TEPSIN: variants seen among roughly 807,000 people sequenced by gnomAD.
TEPSIN encodes the protein TEPSIN adaptor related protein complex 4 accessory protein, also known as AP-4 complex accessory subunit tepsin.
A neutral mutation model predicts 48.5 loss-of-function variants in TEPSIN; 50 were observed. The ratio of observed to expected loss-of-function variants is 1.03; its 90% CI spans 0.82 to 1.31. TEPSIN has a LOEUF of 1.31. Among genes scored for constraint, TEPSIN ranks in the 50% most tolerant of loss-of-function variants. TEPSIN has a pLI of 0.00. For missense variants in TEPSIN, 838 were observed against 815.9 expected (o/e 1.03, Z -0.33); for synonymous variants, 392 against 358.8 (o/e 1.09, Z -1.05).
rs1159004759 is a variant in TEPSIN, at chr17:81,234,339, G to A, written c.308-291C>T. The A allele has an allele frequency of 3.2e-6, 1 of 313,298 alleles. No individual in the cohort carries two copies. Among genetic ancestry groups the A allele is most frequent in the Non-Finnish European group, 5.8e-6 (1 of 171,714 alleles). 19.4% of individuals were successfully genotyped at this position (313,298 alleles called of 1,614,324 possible). A position where few individuals can be genotyped will look rare whatever the true frequency, so the allele number is the denominator to read the frequency against. On this transcript the variant is annotated intron_variant, in intron 4 of 12. Transcript: ENST00000637944. The surrounding 1 kb of genome is among the most constrained non-coding windows in gnomAD (Gnocchi z 5.4). ...CCTGAGCGGGTGTGGCCTCCCCGAA[G>A]CCCACTCTCCCTGCCCCAGGTGCAC... is the stretch of plus-strand genomic sequence containing the variant.
At position 81,236,781 on chromosome 17, in the gene TEPSIN, A is replaced by T; in HGVS notation, c.234T>A (p.Tyr78Ter). ...AGAAGGAGGAGCCGTGGCTGCACAG[A>T]TAGAGCAGGATCTTCAGCACCTGGG... is the stretch of plus-strand genomic sequence containing the variant. Reference protein sequence around the residue: ...GKLKVLKILLYLCSHGSSFFL... With the variant: ...GKLKVLKILL The change falls in exon 4 of 13, where the codon TAT becomes TAA. Residue 78 changes from tyrosine (Y) to a stop codon, truncating the protein, a stop_gained. Coordinates refer to ENST00000637944, the MANE Select transcript of TEPSIN (RefSeq NM_001363764.2). LOFTEE classifies it high-confidence loss of function. The T allele has an allele frequency of 6.4e-7, 1 of 1,568,736 alleles. No individual in the cohort carries two copies. Among genetic ancestry groups the T allele is most frequent in the Non-Finnish European group, 8.6e-7 (1 of 1,157,590 alleles).
At position 81,234,017 on chromosome 17, in the gene TEPSIN, C is replaced by T. The variant is rs2062676267; in HGVS notation, c.339G>A (p.Gly113=). The T allele has an allele frequency of 1.3e-6, 2 of 1,597,460 alleles. No individual in the cohort carries two copies. The highest frequency in any genetic ancestry group is 1.7e-6 in the Non-Finnish European group (2 of 1,175,426). Residue 113 remains glycine, a synonymous_variant, in exon 5 of 13, where the codon GGG becomes GGA. Transcript: ENST00000637944. This position sits in a 1 kb window ranked among gnomAD's most constrained non-coding sequence, Gnocchi z 5.4. ...AFAGPPDPLH[G]NSLYQKVRAA... is the part of the protein sequence containing the mutation. Reference sequence around the variant, plus strand: ...CGCGAACCTTCTGGTACAAGCTGTTCCCGTGCAGAGGATCTGGGGGCCCTG... The same window carrying T: ...CGCGAACCTTCTGGTACAAGCTGTTTCCGTGCAGAGGATCTGGGGGCCCTG...
At chr17:81,238,159 T>C in intron 1 of TEPSIN, 4 of 985,672 alleles carry the variant, frequency 4.1e-6, no homozygotes, top group Non-Finnish European at 3.6e-6. Context: ...AGGGCCGAGA[T>C]CTAGTGACAA....
At position 81,234,037 on chromosome 17, in the gene TEPSIN, G is replaced by A. The variant is rs758269781; in HGVS notation, c.319C>T (p.Pro107Ser). The change falls in exon 5 of 13, where the codon CCC becomes TCC. Residue 107 changes from proline to serine, a missense_variant. Coordinates refer to ENST00000637944, the MANE Select transcript of TEPSIN (RefSeq NM_001363764.2). The surrounding 1 kb of genome is among the most constrained non-coding windows in gnomAD (Gnocchi z 5.4). ...CTGTTCCCGTGCAGAGGATCTGGGG[G>A]CCCTGCAAAAGCTGCAGAACAGAAA... is the stretch of plus-strand genomic sequence containing the variant. ...FIQEAAAFAGPPDPLHGNSLY... is the reference protein window; with the variant it reads ...FIQEAAAFAGSPDPLHGNSLY... The A allele has an allele frequency of 5.0e-6, 8 of 1,592,612 alleles. No individual in the cohort carries two copies. The highest frequency in any genetic ancestry group is 6.8e-6 in the Non-Finnish European group (8 of 1,173,540).
rs1460073961 is a variant in TEPSIN, at chr17:81,237,036, G to T, written c.157C>A (p.Leu53Met). ...AGGCGGCTCAGGAGGTACTCCAGCA[G>T]GCACTGGCTGCTGCCCGGAGACTCG... is the stretch of plus-strand genomic sequence containing the variant. The part of the protein sequence containing the change: ...SHESPGSSQC[L>M]LEYLLSRLHS... Residue 53 changes from leucine (L) to methionine (M), a missense_variant, in exon 3 of 13, where the codon CTG becomes ATG. Physicochemically the swap from Leu to Met is conservative, Grantham distance 15. Transcript: ENST00000637944. 1 of 1,598,198 alleles carries T rather than the reference G, an allele frequency of 6.3e-7. No homozygotes were observed. Among genetic ancestry groups the T allele is most frequent in the Non-Finnish European group, 8.5e-7 (1 of 1,172,916 alleles).
At chr17:81,232,100 G>C in intron 8 of TEPSIN, 79 bp from the exon 9 acceptor site, 1 of 1,509,216 alleles carries the variant, frequency 6.6e-7, no homozygotes, top group South Asian at 1.2e-5. Flanking sequence ...CCCTGGACCA[G>C]GAGGCCTCGG....
At position 81,234,122 on chromosome 17, in the gene TEPSIN, TG is replaced by T; in HGVS notation, c.308-75del. On this transcript the variant is annotated intron_variant, in intron 4 of 12. Coordinates refer to ENST00000637944, the MANE Select transcript of TEPSIN (RefSeq NM_001363764.2). The surrounding 1 kb of genome is among the most constrained non-coding windows in gnomAD (Gnocchi z 5.4). Reference sequence around the variant, plus strand: ...CTGCTCCCTGTGGAGCACGGTGCCCTGGGCCCACTCCAGGGTGGCAAGTTCC... The same window carrying T: ...CTGCTCCCTGTGGAGCACGGTGCCCTGGCCCACTCCAGGGTGGCAAGTTCC... 1 of 1,373,506 alleles carries T rather than the reference TG, an allele frequency of 7.3e-7. No homozygotes were observed. The highest frequency in any genetic ancestry group is 9.7e-7 in the Non-Finnish European group (1 of 1,033,786). The allele number at this position is 1,373,506 out of a possible 1,614,324, so 85.1% of individuals were successfully genotyped here.
intron 1 of TEPSIN, chr17:81,238,062 C>T (rs2062757496): frequency 7.1e-6 from 7 of 992,596 alleles, no homozygotes; most frequent in Middle Eastern, 5.2e-4. Context: ...TTGCATTATT[C>T]AGTATCAGGA....
chr17:81,237,472 A>G lies in TEPSIN; in HGVS notation c.49-13T>C. 6.2e-7 allele frequency: 1 copy of G among 1,603,656 alleles called. No individual in the cohort carries two copies. The highest frequency in any genetic ancestry group is 8.5e-7 in the Non-Finnish European group (1 of 1,175,640). ...GGAGAATCGGGAGCTGAAAGGGAAC[A>G]AGAGCCCCTACCATGATGAGGTGCC... is the stretch of plus-strand genomic sequence containing the variant. On this transcript the variant is annotated splice_polypyrimidine_tract_variant and intron_variant, in intron 1 of 12. Coordinates refer to ENST00000637944, the MANE Select transcript of TEPSIN (RefSeq NM_001363764.2).
chr17:81,233,804 C>T lies in TEPSIN; in HGVS notation c.376-88G>A. 1 of 1,427,694 alleles carries T rather than the reference C, an allele frequency of 7.0e-7. No individual in the cohort carries two copies. Among genetic ancestry groups the T allele is most frequent in the Non-Finnish European group, 9.4e-7 (1 of 1,062,122 alleles). The allele number at this position is 1,427,694 out of a possible 1,614,324, so 88.4% of individuals were successfully genotyped here. On this transcript the variant is annotated intron_variant, in intron 5 of 12. Transcript: ENST00000637944. The surrounding 1 kb of genome is among the most constrained non-coding windows in gnomAD (Gnocchi z 5.8). ...ACCCATATCAGCTCCGTTCTGTCCC[C>T]CGGACACTTCTCCTGAGCCACTCAG... is the stretch of plus-strand genomic sequence containing the variant.
Position 81,230,575 on chromosome 17 carries a change from C to A in TEPSIN, c.1202G>T (p.Ser401Ile). 1.2e-6 allele frequency: 2 copies of A among 1,611,864 alleles called. No individual in the cohort carries two copies. Among genetic ancestry groups the A allele is most frequent in the Middle Eastern group, 1.7e-4 (1 of 5,826 alleles). ...GGCCTTGTTGGTCACAGGTCCCGGG[C>A]TGCCCATGCTGAGCTCCTGCAGCCA... is the stretch of plus-strand genomic sequence containing the variant. ...RPWLQELSMGSPGPVTNKATK... is the reference protein window; with the variant it reads ...RPWLQELSMGIPGPVTNKATK... The change falls in exon 12 of 13, where the codon AGC becomes ATC. Residue 401 changes from serine to isoleucine, a missense_variant. Physicochemically the swap from Ser to Ile is moderately radical, Grantham distance 142. Coordinates refer to ENST00000637944, the MANE Select transcript of TEPSIN (RefSeq NM_001363764.2). The surrounding 1 kb of genome is among the most constrained non-coding windows in gnomAD (Gnocchi z 4.2).
chr17:81,229,527 G>A (rs2062544272), intron 12 of TEPSIN, 51 bp from the exon 13 acceptor site: 1 of 1,533,802 alleles, frequency 6.5e-7, no homozygotes, highest in Admixed American at 2.0e-5. Context: ...CCTGGGAAAT[G>A]TGGGGACCAG....
chr17:81,231,318 TGCACACACAC>T lies in TEPSIN; in HGVS notation c.1098+70_1098+79del, dbSNP rs1279936834. The T allele has an allele frequency of 1.5e-4, 205 of 1,380,610 alleles. 1 individual carries two copies. Among genetic ancestry groups the T allele is most frequent in the Non-Finnish European group, 7.0e-5 (72 of 1,028,220 alleles). 85.5% of individuals were successfully genotyped at this position (1,380,610 alleles called of 1,614,324 possible). On this transcript the variant is annotated intron_variant, in intron 11 of 12. Transcript: ENST00000637944. The stretch of plus-strand genomic sequence containing the variant: ...ACACAGGTGTGCACACAGGCACACG[TGCACACACAC>T]GCACACGCACACACACGCACACAGG...
intron 4 of TEPSIN, among the ~76,000 whole-genome samples, chr17:81,236,196 G>A (rs1006288094): frequency 1.3e-5 from 2 of 152,200 alleles, no homozygotes; most frequent in African/African-American, 4.8e-5. Context: ...CTTCTGCCTG[G>A]ACAGACCGAC....
chr17:81,237,948 T>C, intron 1 of TEPSIN: 1 of 1,002,412 alleles, frequency 1.0e-6, no homozygotes, highest in Non-Finnish European at 1.2e-6. Context: ...ACTGATGTCG[T>C]GTGTTTTACG....
chr17:81,233,811 C>T lies in TEPSIN; in HGVS notation c.376-95G>A. 2.1e-6 allele frequency: 3 copies of T among 1,419,314 alleles called. No homozygotes were observed. Among genetic ancestry groups the T allele is most frequent in the Non-Finnish European group, 2.8e-6 (3 of 1,056,072 alleles). The allele number at this position is 1,419,314 out of a possible 1,614,324, so 87.9% of individuals were successfully genotyped here. Reference sequence around the variant, plus strand: ...TCAGCTCCGTTCTGTCCCCCGGACACTTCTCCTGAGCCACTCAGCTGGACA... The same window carrying T: ...TCAGCTCCGTTCTGTCCCCCGGACATTTCTCCTGAGCCACTCAGCTGGACA... On this transcript the variant is annotated intron_variant, in intron 5 of 12. Transcript: ENST00000637944. This position sits in a 1 kb window ranked among gnomAD's most constrained non-coding sequence, Gnocchi z 5.8.
At chr17:81,232,262 G>A in intron 8 of TEPSIN, 53 bp downstream of exon 8, 1 of 1,462,682 alleles carries the variant, frequency 6.8e-7, no homozygotes, top group South Asian at 1.4e-5. Flanking sequence ...AGCCCCAGCG[G>A]TGACAGGAAG....
rs1377894509 is a variant in TEPSIN at position 81,234,643 on chromosome 17, C to A, written c.308-595G>T. On this transcript the variant is annotated intron_variant, in intron 4 of 12. Coordinates refer to ENST00000637944, the MANE Select transcript of TEPSIN (RefSeq NM_001363764.2). The surrounding 1 kb of genome is among the most constrained non-coding windows in gnomAD (Gnocchi z 5.4). ...AGAGCCTCTGTCACAGGCGAATCCA[C>A]TCACGCCCCTCGGCCGTCTACCTCC... 1.3e-5 allele frequency among the ~76,000 whole-genome samples: 2 copies of A among 152,120 alleles called. No homozygotes were observed. The highest frequency in any genetic ancestry group is 4.8e-5 in the African/African-American group (2 of 41,426).
chr17:81,238,171 A>T, intron 1 of TEPSIN: 1 of 985,760 alleles, frequency 1.0e-6, no homozygotes, highest in East Asian at 1.1e-4. Flanking sequence ...TAGTGACAAC[A>T]TACGAAAACG....
Sources: allele counts gnomAD v4.1 joint callset (sites outside exome capture counted in the v4.1 genomes callset), GRCh38; gene constraint gnomAD v4.1.1; non-coding constraint Gnocchi (gnomAD v3.1); transcripts MANE v1.5; gene names NCBI Gene and HGNC (gene_info 2026-07-23, HGNC 2026-07-21).